Variants in FGF12 observed in about 807,000 individuals in gnomAD.
FGF12 encodes the protein fibroblast growth factor 12.
FGF12 carries 14 observed loss-of-function variants against 23.6 expected under a neutral mutation model. That is an observed-to-expected ratio of 0.59 (90% CI 0.39 to 0.93). The LOEUF is 0.93. Among genes scored for constraint, FGF12 ranks in the 40% least tolerant of loss-of-function variants. The pLI, the probability that FGF12 is intolerant of heterozygous loss-of-function variation, is 0.00. For missense variants in FGF12, 175 were observed against 217.8 expected (o/e 0.80, Z 1.24); for synonymous variants, 62 against 77.3 (o/e 0.80, Z 1.04).
At position 192,408,077 on chromosome 3, in the gene FGF12, G is replaced by A. The variant is rs769569451; in HGVS notation, c.14-47539C>T. 9.9e-6 allele frequency: 16 copies of A among 1,612,994 alleles called. No individual in the cohort carries two copies. The highest frequency in any genetic ancestry group is 1.4e-5 in the Non-Finnish European group (16 of 1,180,002). ...GGCCGCTGCAGAAGCGCACTTTGCT[G>A]AACACCCCGAGGACGTGCCTCTCGC... On this transcript the variant is annotated intron_variant, in intron 2 of 5. Transcript: ENST00000445105. The surrounding 1 kb of genome is among the most constrained non-coding windows in gnomAD (Gnocchi z 7.3).
intron 2 of FGF12, among the ~76,000 whole-genome samples, chr3:192,658,113 C>T (rs1716514797): frequency 6.6e-6 from 1 of 152,092 alleles, no homozygotes; most frequent in African/African-American, 2.4e-5. Flanking sequence ...TACAATAGGA[C>T]ACATCAGTGA....
intron 4 of FGF12, among the ~76,000 whole-genome samples, chr3:192,179,840 C>G (rs1716071839): frequency 6.6e-6 from 1 of 151,366 alleles, no homozygotes; most frequent in Non-Finnish European, 1.5e-5. Flanking sequence ...GCCATTGCAT[C>G]CGGCCAGGTT....
chr3:192,212,399 GA>G (rs555702670), intron 4 of FGF12, among the ~76,000 whole-genome samples: 12 of 151,214 alleles, frequency 7.9e-5, no homozygotes, highest in Admixed American at 2.6e-4. Flanking sequence ...TTAGTTTCAG[GA>G]AAAAAAAATG....
chr3:192,270,051 A>G (rs1005938674), intron 4 of FGF12, among the ~76,000 whole-genome samples: 1 of 152,178 alleles, frequency 6.6e-6, no homozygotes, highest in East Asian at 1.9e-4. Flanking sequence ...ATGGGCCACA[A>G]TTTCAATTTT....
intron 2 of FGF12, among the ~76,000 whole-genome samples, chr3:192,434,389 A>G (rs1721953623): frequency 6.6e-6 from 1 of 152,224 alleles, no homozygotes. Context: ...TCCCAGTCTC[A>G]TAGCCAGTAA....
intron 2 of FGF12, among the ~76,000 whole-genome samples, chr3:192,649,833 T>G (rs2108675079): frequency 6.6e-6 from 1 of 152,280 alleles, no homozygotes; most frequent in Admixed American, 6.5e-5. Context: ...AGTGCTGGTA[T>G]TACAGGTGTG....
chr3:192,181,347 C>T (rs1459388971), intron 4 of FGF12, among the ~76,000 whole-genome samples: 1 of 148,796 alleles, frequency 6.7e-6, no homozygotes, highest in Non-Finnish European at 1.5e-5. Flanking sequence ...AAGACAAGAC[C>T]TACACGCACA....
chr3:192,492,679 A>T (rs1349826489), intron 2 of FGF12, among the ~76,000 whole-genome samples: 1 of 152,160 alleles, frequency 6.6e-6, no homozygotes, highest in Non-Finnish European at 1.5e-5. Flanking sequence ...AGCTTAATTA[A>T]TTTTTAGATA....
chr3:192,568,417 A>G (rs936158390), intron 2 of FGF12, among the ~76,000 whole-genome samples: 5 of 152,108 alleles, frequency 3.3e-5, no homozygotes, highest in African/African-American at 1.2e-4. Flanking sequence ...GAGCAATAAT[A>G]TCTGATCTCT....
intron 2 of FGF12, among the ~76,000 whole-genome samples, chr3:192,402,724 A>G (rs1004160866): frequency 2.0e-5 from 3 of 152,210 alleles, no homozygotes; most frequent in South Asian, 2.1e-4. Flanking sequence ...AGCAAAAATT[A>G]TAAAGAAATT....
chr3:192,702,632 A>G (rs755677761), intron 2 of FGF12, among the ~76,000 whole-genome samples: 9 of 151,980 alleles, frequency 5.9e-5, no homozygotes, highest in Non-Finnish European at 1.3e-4. Context: ...AGCTTTGCAA[A>G]AATACAAAAA....
chr3:192,330,257 C>G (rs905692628), intron 4 of FGF12, among the ~76,000 whole-genome samples: 1 of 152,072 alleles, frequency 6.6e-6, no homozygotes, highest in African/African-American at 2.4e-5. Context: ...CAAGGAACCT[C>G]AAATAGCCAA....
At chr3:192,525,841 C>A (rs1422184307) in intron 2 of FGF12, among the ~76,000 whole-genome samples, 1 of 152,220 alleles carries the variant, frequency 6.6e-6, no homozygotes, top group Non-Finnish European at 1.5e-5. Flanking sequence ...GTGGCACCGT[C>A]TTGGCTCACT....
At chr3:192,634,846 A>T (rs1204871617) in intron 2 of FGF12, among the ~76,000 whole-genome samples, 3 of 152,072 alleles carry the variant, frequency 2.0e-5, no homozygotes, top group African/African-American at 7.2e-5. Context: ...ATAAGTTCAC[A>T]ATAGGGATGA....
intron 2 of FGF12, among the ~76,000 whole-genome samples, chr3:192,578,665 T>C (rs1293657343): frequency 6.6e-6 from 1 of 152,196 alleles, no homozygotes; most frequent in African/African-American, 2.4e-5. Flanking sequence ...TGATCTTTAC[T>C]TGCTGGACAT....
intron 3 of FGF12, among the ~76,000 whole-genome samples, chr3:192,350,432 G>A (rs1718166754): frequency 6.6e-6 from 1 of 152,170 alleles, no homozygotes; most frequent in Non-Finnish European, 1.5e-5. Context: ...TTAGATAGTG[G>A]TAAGGGTTCT....
At chr3:192,364,893 C>T (rs1158157646) in intron 2 of FGF12, among the ~76,000 whole-genome samples, 2 of 152,058 alleles carry the variant, frequency 1.3e-5, no homozygotes, top group Non-Finnish European at 2.9e-5. Flanking sequence ...CAAAGCACTA[C>T]CTCAGTCAGG....
intron 4 of FGF12, among the ~76,000 whole-genome samples, chr3:192,234,824 T>C (rs749179742): frequency 3.9e-5 from 6 of 152,194 alleles, no homozygotes; most frequent in Non-Finnish European, 7.3e-5. Flanking sequence ...TTTAGCTCTG[T>C]TTATGTGATG....
intron 2 of FGF12, among the ~76,000 whole-genome samples, chr3:192,558,397 A>G (rs896394478): frequency 6.6e-6 from 1 of 151,922 alleles, no homozygotes; most frequent in African/African-American, 2.4e-5. Flanking sequence ...TTTGTACACT[A>G]AAAACTACAA....
Sources: gnomAD v4.1 joint callset for allele counts (sites outside exome capture counted in the v4.1 genomes callset) on GRCh38, gnomAD v4.1.1 for gene constraint, Gnocchi (gnomAD v3.1) non-coding constraint, MANE v1.5 for transcripts, NCBI Gene and HGNC (gene_info 2026-07-23, HGNC 2026-07-21) for gene names.